The following SMPX variants were observed in gnomAD, a reference collection of about 807,000 sequenced individuals.
SMPX encodes the protein small muscular protein.
Under a neutral mutation model 6.3 loss-of-function variants are expected in SMPX, and 2 were observed. The ratio of observed to expected loss-of-function variants is 0.32; its 90% confidence interval spans 0.13 to 0.99. The LOEUF is 0.99. SMPX is among the 50% of genes least tolerant of loss of function. SMPX has a pLI of 0.49. For synonymous variants in SMPX, 32 were observed against 24.7 expected (o/e 1.30, Z -0.88); for missense variants, 60 against 66.8 (o/e 0.90, Z 0.36).
intron 2 of SMPX, among the ~76,000 whole-genome samples, chrX:21,749,429 C>T (rs909177445): frequency 4.5e-5 from 5 of 111,764 alleles, no homozygotes; most frequent in Non-Finnish European, 7.5e-5. Flanking sequence ...AAGGGAGGCA[C>T]GCAGCATCCA....
chrX:21,731,213 A>T lies in SMPX; in HGVS notation c.*14+6336T>A, dbSNP rs1038758293. Among the ~76,000 whole-genome samples the T allele has an allele frequency of 1.2e-4, 13 of 108,992 alleles. No individual in the cohort carries two copies. The South Asian group carries it at 4.5e-3, about 38-fold the overall frequency. The allele number at this position is 108,992 out of a possible 115,157, so 94.6% of individuals were successfully genotyped here. A position where few individuals can be genotyped will look rare whatever the true frequency, so the allele number is the denominator to read the frequency against. The stretch of plus-strand genomic sequence containing the variant: ...CCTTCTGTTATTGATTTCTAATTTC[A>T]TTCCATTATGGTCATAGAACATACT... On this transcript the variant is annotated intron_variant, in intron 4 of 4. Transcript: ENST00000379494.
chrX:21,746,358 T>C (rs967225552), intron 2 of SMPX, among the ~76,000 whole-genome samples: 11 of 111,621 alleles, frequency 9.9e-5, no homozygotes, highest in Non-Finnish European at 1.7e-4. Context: ...AGATTCCAAA[T>C]TGAAGCTGCC....
At chrX:21,742,831 A>G (rs2092817445) in intron 3 of SMPX, among the ~76,000 whole-genome samples, 1 of 112,615 alleles carries the variant, frequency 8.9e-6, no homozygotes, top group African/African-American at 3.2e-5. Flanking sequence ...AATACCAAAA[A>G]TGTCACTTGG....
At chrX:21,744,085 A>G (rs1312915399) in intron 2 of SMPX, among the ~76,000 whole-genome samples, 1 of 111,872 alleles carries the variant, frequency 8.9e-6, no homozygotes, top group African/African-American at 3.3e-5. Context: ...TGATTTTACA[A>G]TTTCCTGTTG....
intron 4 of SMPX, among the ~76,000 whole-genome samples, chrX:21,735,350 T>C (rs1032727281): frequency 1.8e-5 from 2 of 112,470 alleles, no homozygotes; most frequent in South Asian, 7.4e-4. Flanking sequence ...TCAATTACCC[T>C]GACAACTTAG....
chrX:21,711,796 A>G (rs2092779060), intron 4 of SMPX, among the ~76,000 whole-genome samples: 1 of 111,947 alleles, frequency 8.9e-6, no homozygotes, highest in African/African-American at 3.3e-5. Flanking sequence ...AGAGCCATAA[A>G]CACAGTGACA....
chrX:21,750,616 A>G (rs2092826454), intron 2 of SMPX, among the ~76,000 whole-genome samples: 3 of 112,528 alleles, frequency 2.7e-5, no homozygotes, highest in Non-Finnish European at 5.6e-5. Context: ...GAAAGAATCA[A>G]CTGATTCTTT....
chrX:21,746,345 G>A (rs1602110631), intron 2 of SMPX, among the ~76,000 whole-genome samples: 2 of 111,483 alleles, frequency 1.8e-5, no homozygotes, highest in South Asian at 7.6e-4. Context: ...CCAGGAAAAG[G>A]CAAGATTCCA....
Position 21,758,108 on chromosome X carries a change from A to C in SMPX, c.-179T>G, listed in dbSNP as rs1329120447. On this transcript the variant is annotated 5_prime_UTR_variant, in exon 1 of 5. Transcript: ENST00000379494. ...TAGCTCTGTGCCTCTCCCGGTATTG[A>C]GAACTGCTCCTGGCTCGGGGCTGGA... 6.1e-6 allele frequency: 2 copies of C among 329,614 alleles called. No homozygotes were observed. Among genetic ancestry groups the C allele is most frequent in the Non-Finnish European group, 1.2e-5 (2 of 170,065 alleles). 27.2% of individuals were successfully genotyped at this position (329,614 alleles called of 1,213,427 possible).
At chrX:21,709,307 G>A (rs746708375) in intron 4 of SMPX, among the ~76,000 whole-genome samples, 15 of 111,416 alleles carry the variant, frequency 1.3e-4, no homozygotes, top group South Asian at 3.8e-4. Flanking sequence ...TTTGGGCCTC[G>A]CCTCTTTGGT....
chrX:21,717,626 C>G (rs2092786691), intron 4 of SMPX, among the ~76,000 whole-genome samples: 1 of 111,693 alleles, frequency 9.0e-6, no homozygotes, highest in African/African-American at 3.3e-5. Flanking sequence ...CACTAGTGGA[C>G]AAGTCAGACA....
At chrX:21,711,087 G>A (rs751120510) in intron 4 of SMPX, among the ~76,000 whole-genome samples, 1 of 111,861 alleles carries the variant, frequency 8.9e-6, no homozygotes, top group East Asian at 2.8e-4. Flanking sequence ...CCATCCCAGA[G>A]TACAAAGTCC....
intron 4 of SMPX, among the ~76,000 whole-genome samples, chrX:21,733,108 A>G (rs777807092): frequency 1.3e-4 from 14 of 111,972 alleles, no homozygotes; most frequent in Admixed American, 1.9e-4. Flanking sequence ...ACCTCCCCCA[A>G]CAGGGCATTA....
intron 3 of SMPX, among the ~76,000 whole-genome samples, chrX:21,740,870 T>G (rs143213432): frequency 1.8e-5 from 2 of 112,285 alleles, no homozygotes; most frequent in South Asian, 7.3e-4. Flanking sequence ...TGCTATTTTG[T>G]GGCTTAATAA....
intron 2 of SMPX, among the ~76,000 whole-genome samples, chrX:21,744,576 A>G (rs2092819512): frequency 8.9e-6 from 1 of 112,302 alleles, no homozygotes; most frequent in African/African-American, 3.2e-5. Flanking sequence ...ACTTGGAGAG[A>G]TAATATATAA....
intron 4 of SMPX, among the ~76,000 whole-genome samples, chrX:21,713,222 G>C (rs2092780623): frequency 8.9e-6 from 1 of 111,990 alleles, no homozygotes; most frequent in African/African-American, 3.2e-5. Context: ...AATGGAACTA[G>C]AGTTTTGGTA....
At chrX:21,733,559 G>A in intron 4 of SMPX, 1 of 247,429 alleles carries the variant, frequency 4.0e-6, no homozygotes, top group East Asian at 1.1e-4. Context: ...ACTTCAGAAG[G>A]AGAATTTCTT....
At chrX:21,755,997 T>G (rs2092832502) in intron 1 of SMPX, among the ~76,000 whole-genome samples, 1 of 112,664 alleles carries the variant, frequency 8.9e-6, no homozygotes, top group Non-Finnish European at 1.9e-5. Context: ...GGATTTTTAA[T>G]TTGTGGATCT....
intron 1 of SMPX, among the ~76,000 whole-genome samples, chrX:21,755,963 C>T (rs900170317): frequency 1.8e-5 from 2 of 112,264 alleles, no homozygotes; most frequent in African/African-American, 6.5e-5. Context: ...TGCTGTCTTT[C>T]CTGCAGTGTC....
Sources: gnomAD v4.1 joint callset for allele counts (sites outside exome capture counted in the v4.1 genomes callset) on GRCh38, gnomAD v4.1.1 for gene constraint, MANE v1.5 for transcripts, NCBI Gene and HGNC (gene_info 2026-07-23, HGNC 2026-07-21) for gene names.